Variants in TNFSF11 observed in about 807,000 individuals in gnomAD.
The protein encoded by TNFSF11 is tumor necrosis factor ligand superfamily member 11.
A neutral mutation model predicts 32.2 loss-of-function variants in TNFSF11; 12 were observed. That is an observed-to-expected ratio of 0.37 (90% confidence interval 0.24 to 0.60). TNFSF11 has a LOEUF of 0.60. Ranked by LOEUF, TNFSF11 falls within the 20% of genes least tolerant of loss-of-function variation. The pLI, the probability that TNFSF11 is intolerant of heterozygous loss-of-function variation, is 0.66. For synonymous variants in TNFSF11, 172 were observed against 152.1 expected (o/e 1.13, Z -0.96); for missense variants, 345 against 398.0 (o/e 0.87, Z 1.13).
intron 4 of TNFSF11, among the ~76,000 whole-genome samples, chr13:42,605,706 T>G (rs963392993): frequency 6.6e-6 from 1 of 152,196 alleles, no homozygotes; most frequent in Admixed American, 6.5e-5. Context: ...AGACCTTTGG[T>G]CAGAAGGATT....
In TNFSF11 at chr13:42,574,799, C is replaced by T. The variant is rs567994068; in HGVS notation, c.219+277C>T. Among the ~76,000 whole-genome samples, 9 of 152,346 alleles carry T rather than the reference C, an allele frequency of 5.9e-5. No individual in the cohort carries two copies. In the South Asian group the frequency reaches 1.5e-3, roughly 25 times the overall value. ...CGGACGATGGGTTTGAATCTCACCC[C>T]GTCCCTTCGCTGGGAAACAACACTG... On this transcript the variant is annotated intron_variant, in intron 1 of 4. Transcript: ENST00000398795.
intron 1 of TNFSF11, chr13:42,563,109 C>G (rs187659559): frequency 1.3e-5 from 2 of 152,230 alleles, no homozygotes; most frequent in Non-Finnish European, 2.9e-5. Context: ...AACATTTTAC[C>G]AAGCTCAGAG....
chr13:42,574,642 A>C (rs1873219496), intron 1 of TNFSF11, 120 bp downstream of exon 1: 4 of 1,239,176 alleles, frequency 3.2e-6, no homozygotes, highest in Non-Finnish European at 4.6e-6. Context: ...CCGGAAGGGA[A>C]AGTGACTCCA....
chr13:42,567,759 A>G lies in TNFSF11; in HGVS notation c.-160+997A>G, dbSNP rs115908527. ...AATAGACTGTTTATGGCAATAAGAT[A>G]CCAAATTGTAAACAAGAGCTATGGC... is the stretch of plus-strand genomic sequence containing the variant. On this transcript the variant is annotated intron_variant, in intron 2 of 6. Transcript: ENST00000358545. Among the ~76,000 whole-genome samples, 1,207 of 152,374 alleles carry G rather than the reference A, an allele frequency of 7.9e-3. 17 individuals are homozygous for G. Among genetic ancestry groups the G allele is most frequent in the African/African-American group, 0.027 (1,103 of 41,580 alleles).
intron 1 of TNFSF11, among the ~76,000 whole-genome samples, chr13:42,574,970 G>A (rs539124597): frequency 1.3e-5 from 2 of 152,244 alleles, no homozygotes; most frequent in Non-Finnish European, 2.9e-5. Flanking sequence ...CCACCACCCG[G>A]CGGGTTTCGG....
At chr13:42,578,256 T>A (rs1429395941) in intron 1 of TNFSF11, among the ~76,000 whole-genome samples, 1 of 152,208 alleles carries the variant, frequency 6.6e-6, no homozygotes, top group African/African-American at 2.4e-5. Flanking sequence ...AGGTAGGTTG[T>A]TGGGTAGGCG....
chr13:42,573,043 A>C (rs145058187), upstream of TNFSF11, among the ~76,000 whole-genome samples: 447 of 152,290 alleles, frequency 2.9e-3, 3 homozygotes, highest in African/African-American at 0.01. Context: ...ACTTGAAATT[A>C]TCTTTAGATT....
upstream of TNFSF11, among the ~76,000 whole-genome samples, chr13:42,571,249 C>T (rs534648468): frequency 3.3e-5 from 5 of 152,320 alleles, no homozygotes; most frequent in African/African-American, 1.2e-4. Flanking sequence ...GTGGGAGAGT[C>T]CTCCAGGTGT....
Position 42,594,002 on chromosome 13 carries a change from A to G in TNFSF11, c.388-6750A>G, listed in dbSNP as rs551643426. ...TTTCAGTCTGATAAGCCCAGACTCC[A>G]GCAACTTGACCTTTTCAGAATATCT... On this transcript the variant is annotated intron_variant, in intron 2 of 4. Coordinates refer to ENST00000398795, the MANE Select transcript of TNFSF11 (RefSeq NM_003701.4). Among the ~76,000 whole-genome samples the G allele has an allele frequency of 1.1e-4, 17 of 152,386 alleles. 1 individual carries two copies. The South Asian group carries it at 3.3e-3, about 30-fold the overall frequency.
chr13:42,601,991 T>G (rs1041305445), intron 4 of TNFSF11, among the ~76,000 whole-genome samples: 24 of 152,352 alleles, frequency 1.6e-4, no homozygotes, highest in Admixed American at 1.2e-3. Flanking sequence ...TTCCATGCTC[T>G]CTATTATCAC....
chr13:42,568,239 T>A (rs897416393), intron 2 of TNFSF11, among the ~76,000 whole-genome samples: 5 of 152,268 alleles, frequency 3.3e-5, no homozygotes, highest in African/African-American at 1.2e-4. Context: ...TATGTCCTGT[T>A]GAATATGTAT....
At chr13:42,596,560 G>A (rs1868818143) in intron 2 of TNFSF11, among the ~76,000 whole-genome samples, 1 of 152,142 alleles carries the variant, frequency 6.6e-6, no homozygotes, top group Non-Finnish European at 1.5e-5. Context: ...GCTTTATTAG[G>A]TGAAGCCTTA....
intron 1 of TNFSF11, among the ~76,000 whole-genome samples, chr13:42,565,604 A>C (rs1403099137): frequency 6.6e-6 from 1 of 152,240 alleles, no homozygotes; most frequent in Non-Finnish European, 1.5e-5. Flanking sequence ...ATGTACAAGA[A>C]AATTACAAGT....
In TNFSF11 at chr13:42,606,483, T is replaced by C. The variant is rs1445898579; in HGVS notation, c.533-14T>C. The C allele has an allele frequency of 6.2e-7, 1 of 1,614,192 alleles. No individual in the cohort carries two copies. The highest frequency in any genetic ancestry group is 8.5e-7 in the Non-Finnish European group (1 of 1,180,028). On this transcript the variant is annotated splice_polypyrimidine_tract_variant and intron_variant, in intron 4 of 4. Transcript: ENST00000398795. ...AGGACTGACTTTCAAATCTTATGCC[T>C]CTCTTCTCCACAGGTTCCCATAAAG...
chr13:42,582,271 T>C (rs1873653797), intron 2 of TNFSF11, among the ~76,000 whole-genome samples: 1 of 152,256 alleles, frequency 6.6e-6, no homozygotes, highest in Non-Finnish European at 1.5e-5. Context: ...TAGGAAGATG[T>C]AGCTGTTTTG....
chr13:42,567,833 G>A (rs536962088), intron 2 of TNFSF11, among the ~76,000 whole-genome samples: 1 of 152,284 alleles, frequency 6.6e-6, no homozygotes, highest in South Asian at 2.1e-4. Flanking sequence ...ACAAATAAAC[G>A]ATGTTCTAAT....
intron 2 of TNFSF11, among the ~76,000 whole-genome samples, chr13:42,584,344 T>A (rs1873782095): frequency 6.6e-6 from 1 of 152,212 alleles, no homozygotes; most frequent in Non-Finnish European, 1.5e-5. Flanking sequence ...CATCCTTTTT[T>A]AAAAGTTATA....
At chr13:42,598,247 C>A (rs1392762307) in intron 2 of TNFSF11, among the ~76,000 whole-genome samples, 2 of 152,182 alleles carry the variant, frequency 1.3e-5, no homozygotes, top group African/African-American at 4.8e-5. Flanking sequence ...CCTTCCCCAT[C>A]TCTCCTCTGA....
At chr13:42,599,745 T>A (rs1216020630) in intron 2 of TNFSF11, among the ~76,000 whole-genome samples, 5 of 152,124 alleles carry the variant, frequency 3.3e-5, no homozygotes, top group Non-Finnish European at 7.4e-5. Context: ...AATTTTTGTA[T>A]TTTTAGTAGA....
Sources: allele counts gnomAD v4.1 joint callset (sites outside exome capture counted in the v4.1 genomes callset), GRCh38; gene constraint gnomAD v4.1.1; transcripts MANE v1.5; gene names NCBI Gene and HGNC (gene_info 2026-07-23, HGNC 2026-07-21).